Variants in PPP6R2 observed in about 807,000 individuals in gnomAD.
PPP6R2 encodes serine/threonine-protein phosphatase 6 regulatory subunit 2.
A neutral mutation model predicts 100.2 loss-of-function variants in PPP6R2; 62 were observed. The observed-to-expected ratio is 0.62, with a 90% CI of 0.50 to 0.76. The LOEUF (loss-of-function observed/expected upper bound fraction) is 0.76, where lower values mean the gene tolerates loss of function less well. PPP6R2 is among the 30% of genes least tolerant of loss of function. The pLI is 0.00. For missense variants in PPP6R2, 1,142 were observed against 1,276.3 expected (o/e 0.89, Z 1.60); for synonymous variants, 525 against 514.7 (o/e 1.02, Z -0.27).
chr22:50,337,102 T>A, the PPP6R2 span, among the ~76,000 whole-genome samples: 2 of 129,880 alleles, frequency 1.5e-5, no homozygotes, highest in Non-Finnish European at 3.4e-5. Flanking sequence ...AAGGTGGTGA[T>A]GAAGAGAGTG....
chr22:50,361,060 T>C (rs1008756859), intron 1 of PPP6R2, among the ~76,000 whole-genome samples: 3 of 152,188 alleles, frequency 2.0e-5, no homozygotes, highest in African/African-American at 7.2e-5. Context: ...GACTTCTCTC[T>C]CCTCATGATC....
At position 50,416,099 on chromosome 22, in the gene PPP6R2, A is replaced by G. The variant is rs775042064; in HGVS notation, c.560A>G (p.Asn187Ser). The G allele has an allele frequency of 1.2e-6, 2 of 1,613,320 alleles. No homozygotes were observed. The highest frequency in any genetic ancestry group is 1.1e-5 in the South Asian group (1 of 91,072). ...CCTCTTTTTCTCTTTCAGTGGCTGA[A>G]TGAAGAGAAGGTCATCCAGAGGCTT... ...GLRQDVLHWL[N>S]EEKVIQRLVE... is the part of the protein sequence containing the mutation. Residue 187 changes from asparagine (N) to serine (S), a missense_variant, in exon 6 of 24, where the codon AAT becomes AGT. By Grantham distance (46) the Asn-to-Ser change is conservative. Coordinates refer to ENST00000612753, the MANE Select transcript of PPP6R2 (RefSeq NM_001242898.2).
At chr22:50,338,254 ATGTG>A in the PPP6R2 span, among the ~76,000 whole-genome samples, 1 of 70,902 alleles carries the variant, frequency 1.4e-5, no homozygotes, top group Admixed American at 1.6e-4. Context: ...GTTTGTGTCT[ATGTG>A]TGGTGCGTGT....
At position 50,440,038 on chromosome 22, in the gene PPP6R2, C is replaced by T; in HGVS notation, c.2363C>T (p.Pro788Leu). Residue 788 changes from proline to leucine, a missense_variant, in exon 21 of 24, where the codon CCT becomes CTT. Transcript: ENST00000612753. Reference sequence around the variant, plus strand: ...GCTGAGGGCAGCCGGAGCCAAGGCCCTGAGAAAGCCTGTGAGTAGGAGCAG... The same window carrying T: ...GCTGAGGGCAGCCGGAGCCAAGGCCTTGAGAAAGCCTGTGAGTAGGAGCAG... ...SHAEGSRSQG[P>L]EKAFSPASPC... is the part of the protein sequence containing the mutation. 6.2e-7 allele frequency: 1 copy of T among 1,612,726 alleles called. No homozygotes were observed. The highest frequency in any genetic ancestry group is 8.5e-7 in the Non-Finnish European group (1 of 1,179,554).
At chr22:50,337,356 T>TGGGTGTGTGTGTGCTGTGTGGG in the PPP6R2 span, among the ~76,000 whole-genome samples, 1 of 132,080 alleles carries the variant, frequency 7.6e-6, no homozygotes, top group Non-Finnish European at 1.6e-5. Flanking sequence ...GTGTGGTGTG[T>TGGGTGTGTGTGTGCTGTGTGGG]GGGTGTGTGT....
chr22:50,443,815 T>G (rs1603428579), intron 22 of PPP6R2, 51 bp from the exon 23 acceptor site: 2 of 1,522,106 alleles, frequency 1.3e-6, no homozygotes. Context: ...TGAGGCGGGG[T>G]GGCACTGAGG....
intron 10 of PPP6R2, among the ~76,000 whole-genome samples, chr22:50,430,317 G>A (rs1290547209): frequency 6.6e-6 from 1 of 152,226 alleles, no homozygotes; most frequent in Non-Finnish European, 1.5e-5. Context: ...ACAGTCTCAC[G>A]TTTGTGTGGT....
At chr22:50,343,712 G>GC (rs149870647) in intron 1 of PPP6R2, among the ~76,000 whole-genome samples, 162 bp downstream of exon 1, 1,255 of 75,946 alleles carry the variant, frequency 0.017, 74 homozygotes, top group African/African-American at 0.065. Flanking sequence ...CGGAGTCAGT[G>GC]CCCCCCCCAA....
In PPP6R2 at chr22:50,393,908, G is replaced by A. The variant is rs11555197; in HGVS notation, c.-1G>A. The stretch of plus-strand genomic sequence containing the variant: ...TCGTTTGCAGCTCTGCGGCCGTCAC[G>A]ATGTTCTGGAAGTTTGACTTGAACA... On this transcript the variant is annotated 5_prime_UTR_variant, in exon 3 of 24. Transcript: ENST00000612753. 104 of 1,614,072 alleles carry A rather than the reference G, an allele frequency of 6.4e-5. No homozygotes were observed. Among genetic ancestry groups the A allele is most frequent in the Non-Finnish European group, 8.4e-5 (99 of 1,180,044 alleles).
At position 50,444,034 on chromosome 22, in the gene PPP6R2, C is replaced by T. The variant is rs764290698; in HGVS notation, c.2748C>T (p.Ala916=). ...CCCCAGCAGTCTCTTCTGCACTGGC[C>T]GTGGCGGTCCCCCTAGGGCCCATCA... The part of the protein sequence containing the change: ...IPTPAVSSAL[A]VAVPLGPIMA... Residue 916 remains alanine (A), a synonymous_variant, in exon 23 of 24, where the codon GCC becomes GCT. Transcript: ENST00000612753. 58 of 1,613,260 alleles carry T rather than the reference C, an allele frequency of 3.6e-5. No individual in the cohort carries two copies. The highest frequency in any genetic ancestry group is 3.9e-5 in the Non-Finnish European group (46 of 1,179,938).
At chr22:50,338,788 TG>T (rs2042333461), upstream of PPP6R2, among the ~76,000 whole-genome samples, 1 of 134,656 alleles carries the variant, frequency 7.4e-6, no homozygotes, top group African/African-American at 2.9e-5. Flanking sequence ...GTGGTGTGTG[TG>T]GTGTGTATGT....
chr22:50,443,560 A>AGC (rs2066341009), intron 22 of PPP6R2: 1 of 417,492 alleles, frequency 2.4e-6, no homozygotes, highest in Non-Finnish European at 4.4e-6. Context: ...TTGAGATCAT[A>AGC]GCACAGGAGG....
intron 22 of PPP6R2, among the ~76,000 whole-genome samples, chr22:50,442,407 G>C (rs111557883): frequency 6.4e-4 from 97 of 152,346 alleles, no homozygotes; most frequent in African/African-American, 2.0e-3. Context: ...TGCAGCAAGT[G>C]GGGGGCACAG....
chr22:50,383,880 ACAAAAATTAGCCAGG>A (rs1164064430), intron 2 of PPP6R2, among the ~76,000 whole-genome samples: 1 of 151,944 alleles, frequency 6.6e-6, no homozygotes, highest in Admixed American at 6.6e-5. Context: ...CTACTAAAAT[ACAAAAATTAGCCAGG>A]CATGATGGTG....
chr22:50,349,553 T>A (rs913706546), intron 1 of PPP6R2, among the ~76,000 whole-genome samples: 11 of 151,714 alleles, frequency 7.3e-5, no homozygotes, highest in Non-Finnish European at 1.5e-5. Flanking sequence ...TGGCCAGGCA[T>A]AGTGGCTCAT....
chr22:50,443,979 C>T lies in PPP6R2; in HGVS notation c.2693C>T (p.Ala898Val). The part of the protein sequence containing the change: ...PPEATVAITT[A>V]LSKAGPAIPT... Reference sequence around the variant, plus strand: ...GAGGCTACTGTGGCCATCACCACAGCACTGAGCAAGGCTGGCCCCGCCATA... The same window carrying T: ...GAGGCTACTGTGGCCATCACCACAGTACTGAGCAAGGCTGGCCCCGCCATA... The change falls in exon 23 of 24, where the codon GCA becomes GTA. Residue 898 changes from alanine (A) to valine (V), a missense_variant. Physicochemically the swap from Ala to Val is moderately conservative, Grantham distance 64. Coordinates refer to ENST00000612753, the MANE Select transcript of PPP6R2 (RefSeq NM_001242898.2). The T allele has an allele frequency of 1.2e-6, 2 of 1,612,568 alleles. No individual in the cohort carries two copies. The highest frequency in any genetic ancestry group is 1.7e-6 in the Non-Finnish European group (2 of 1,179,742).
chr22:50,407,890 A>G (rs2059199776), intron 4 of PPP6R2, among the ~76,000 whole-genome samples: 1 of 151,870 alleles, frequency 6.6e-6, no homozygotes, highest in Non-Finnish European at 1.5e-5. Context: ...ATGTATGTAC[A>G]TTTATTTATT....
intron 10 of PPP6R2, among the ~76,000 whole-genome samples, chr22:50,425,360 G>C (rs1275759404): frequency 6.6e-6 from 1 of 152,170 alleles, no homozygotes; most frequent in East Asian, 1.9e-4. Flanking sequence ...AAAAATTACT[G>C]TGTGGGTGGG....
chr22:50,354,233 A>C (rs1376046355), intron 1 of PPP6R2, among the ~76,000 whole-genome samples: 1 of 152,102 alleles, frequency 6.6e-6, no homozygotes, highest in Non-Finnish European at 1.5e-5. Flanking sequence ...TGAACCCAGA[A>C]GGTGGAGATT....
Sources: gnomAD v4.1 joint callset for allele counts (sites outside exome capture counted in the v4.1 genomes callset) on GRCh38, gnomAD v4.1.1 for gene constraint, MANE v1.5 for transcripts, NCBI Gene and HGNC (gene_info 2026-07-23, HGNC 2026-07-21) for gene names.